The following POU6F2 variants were observed in gnomAD, a reference collection of about 807,000 sequenced individuals.
The protein encoded by POU6F2 is POU domain, class 6, transcription factor 2.
Under a neutral mutation model 71.3 loss-of-function variants are expected in POU6F2, and 31 were observed. The ratio of observed to expected loss-of-function variants is 0.43; its 90% CI spans 0.33 to 0.59. The LOEUF (loss-of-function observed/expected upper bound fraction) is 0.59. POU6F2 is among the 20% of genes least tolerant of loss of function. POU6F2 has a pLI of 0.04. For synonymous variants in POU6F2, 347 were observed against 355.7 expected (o/e 0.98, Z 0.27); for missense variants, 783 against 856.8 (o/e 0.91, Z 1.07).
At chr7:39,316,589 A>C (rs1785273443) in intron 4 of POU6F2, among the ~76,000 whole-genome samples, 1 of 152,156 alleles carries the variant, frequency 6.6e-6, no homozygotes, top group Non-Finnish European at 1.5e-5. Context: ...ATGCTTGCCA[A>C]GTTCTTTGTG....
chr7:39,246,422 T>C (rs1783821878), intron 4 of POU6F2, among the ~76,000 whole-genome samples: 1 of 152,110 alleles, frequency 6.6e-6, no homozygotes, highest in Non-Finnish European at 1.5e-5. Flanking sequence ...TAGATTGAGA[T>C]GGTTTAAGCT....
intron 1 of POU6F2, among the ~76,000 whole-genome samples, chr7:39,031,191 G>T (rs1208693389): frequency 1.3e-5 from 2 of 152,002 alleles, no homozygotes; most frequent in African/African-American, 2.4e-5. Flanking sequence ...GAGCCACCGC[G>T]CCTGGCCAAC....
intron 5 of POU6F2, among the ~76,000 whole-genome samples, chr7:39,350,829 C>G (rs1427464381): frequency 6.6e-6 from 1 of 152,250 alleles, no homozygotes; most frequent in Non-Finnish European, 1.5e-5. Context: ...CTCTTCTTGT[C>G]TCACCCAAGC....
At chr7:38,998,108 A>C (rs1788790890) in intron 1 of POU6F2, among the ~76,000 whole-genome samples, 1 of 152,244 alleles carries the variant, frequency 6.6e-6, no homozygotes, top group Non-Finnish European at 1.5e-5. Context: ...TTTTCTCCGA[A>C]GAATTTTTAA....
intron 1 of POU6F2, among the ~76,000 whole-genome samples, chr7:39,063,327 T>A (rs1276367101): frequency 6.6e-6 from 1 of 152,002 alleles, no homozygotes; most frequent in African/African-American, 2.4e-5. Context: ...TGGGCAACAA[T>A]TATAGCAGAA....
chr7:39,461,800 T>A (rs147693755), intron 9 of POU6F2, among the ~76,000 whole-genome samples: 429 of 152,332 alleles, frequency 2.8e-3, no homozygotes, highest in African/African-American at 0.01. Flanking sequence ...CTGTTTTTTC[T>A]TATAAGATAC....
chr7:39,036,384 G>A (rs1457332754), intron 1 of POU6F2, among the ~76,000 whole-genome samples: 1 of 152,132 alleles, frequency 6.6e-6, no homozygotes, highest in East Asian at 1.9e-4. Context: ...TCAGGAATCA[G>A]AAATACTATG....
intron 1 of POU6F2, chr7:39,034,413 G>A: frequency 2.8e-6 from 1 of 352,684 alleles, no homozygotes; most frequent in Non-Finnish European, 6.2e-6. Context: ...AGAAGAAAAT[G>A]ACGTGCACCT....
At chr7:39,281,150 TTTC>T (rs1404382634) in intron 4 of POU6F2, among the ~76,000 whole-genome samples, 2 of 152,220 alleles carry the variant, frequency 1.3e-5, no homozygotes. Context: ...AAATTTGCCA[TTTC>T]TTAATTTTGT....
Position 39,406,417 on chromosome 7 carries a change from G to T in POU6F2, c.973-183G>T, listed in dbSNP as rs34812541. ...TCCCCAACATTTTCCTTCCAGCCTC[G>T]TTTCCATCATCCCCCTACCCCAGAG... On this transcript the variant is annotated intron_variant, in intron 5 of 9. Coordinates refer to ENST00000518318, the MANE Select transcript of POU6F2 (RefSeq NM_001370959.1). The T allele has an allele frequency of 0.34, 219,493 of 643,030 alleles. 39,095 individuals are homozygous for T. Among genetic ancestry groups the T allele is most frequent in the East Asian group, 0.59 (20,841 of 35,624 alleles). The allele number at this position is 643,030 out of a possible 1,614,324, so 39.8% of individuals were successfully genotyped here.
intron 4 of POU6F2, among the ~76,000 whole-genome samples, chr7:39,279,108 C>T (rs1020394694): frequency 6.6e-6 from 1 of 152,186 alleles, no homozygotes; most frequent in Non-Finnish European, 1.5e-5. Flanking sequence ...CATTCAGAAT[C>T]GGCTCCAGCC....
chr7:39,310,095 G>A (rs1785132600), intron 4 of POU6F2, among the ~76,000 whole-genome samples: 1 of 152,078 alleles, frequency 6.6e-6, no homozygotes, highest in African/African-American at 2.4e-5. Context: ...TACTATTGGA[G>A]CCTTAACTCT....
At chr7:39,279,579 C>T (rs1423336269) in intron 4 of POU6F2, among the ~76,000 whole-genome samples, 3 of 152,172 alleles carry the variant, frequency 2.0e-5, no homozygotes. Context: ...AACAGGGCCA[C>T]ACTCCCTCTG....
chr7:39,127,730 G>A (rs1010014920), intron 2 of POU6F2, among the ~76,000 whole-genome samples: 4 of 152,008 alleles, frequency 2.6e-5, no homozygotes, highest in Admixed American at 2.0e-4. Context: ...AGTTTGTTTC[G>A]GGAAGCAGCT....
chr7:39,380,821 G>T (rs555509842), intron 5 of POU6F2, among the ~76,000 whole-genome samples: 1 of 152,028 alleles, frequency 6.6e-6, no homozygotes, highest in African/African-American at 2.4e-5. Context: ...CAAGTTTCCC[G>T]ACAGATCCCC....
At chr7:39,203,619 G>C (rs1793949935) in intron 2 of POU6F2, among the ~76,000 whole-genome samples, 1 of 152,238 alleles carries the variant, frequency 6.6e-6, no homozygotes, top group African/African-American at 2.4e-5. Context: ...AGCAAGTTGT[G>C]TTCTGTGCTT....
intron 5 of POU6F2, among the ~76,000 whole-genome samples, chr7:39,356,266 C>T (rs1361491944): frequency 6.6e-6 from 1 of 152,202 alleles, no homozygotes; most frequent in African/African-American, 2.4e-5. Flanking sequence ...CTCCAACTCC[C>T]TCTGCCACAT....
At chr7:39,021,514 TA>T (rs886098290) in intron 1 of POU6F2, among the ~76,000 whole-genome samples, 21 of 152,098 alleles carry the variant, frequency 1.4e-4, no homozygotes, top group African/African-American at 4.3e-4. Flanking sequence ...CATAATGTAT[TA>T]AAAAATAAAA....
chr7:39,055,601 T>A (rs1319383545), intron 1 of POU6F2, among the ~76,000 whole-genome samples: 1 of 152,168 alleles, frequency 6.6e-6, no homozygotes, highest in Non-Finnish European at 1.5e-5. Context: ...TTCCTTCCAA[T>A]CATGACTTCT....
Sources: gnomAD v4.1 joint callset for allele counts (sites outside exome capture counted in the v4.1 genomes callset) on GRCh38, gnomAD v4.1.1 for gene constraint, MANE v1.5 for transcripts, NCBI Gene and HGNC (gene_info 2026-07-23, HGNC 2026-07-21) for gene names.